The following VARS2 variants were observed in gnomAD, a reference collection of about 807,000 sequenced individuals.
The protein encoded by VARS2 is valyl-tRNA synthetase 2, mitochondrial.
In VARS2, 105 loss-of-function variants were observed where a neutral mutation model predicts 154.1. The observed-to-expected ratio is 0.68, with a 90% CI of 0.58 to 0.80. The LOEUF is 0.80. Among genes scored for constraint, VARS2 ranks in the 30% least tolerant of loss-of-function variants. VARS2 has a pLI of 0.00. For missense variants in VARS2, 1,157 were observed against 1,361.4 expected (o/e 0.85, Z 2.36); for synonymous variants, 483 against 539.5 (o/e 0.90, Z 1.45).
At position 30,923,373 on chromosome 6, in the gene VARS2, G is replaced by A; in HGVS notation, c.2334G>A (p.Met778Ile). The change falls in exon 25 of 30, where the codon ATG becomes ATA. Residue 778 changes from methionine (M) to isoleucine (I), a missense_variant. Transcript: ENST00000676266. ...TGCAGCTGTCTCCCTCCTCCCCGAT[G>A]GATGCCTGGATCCTGAGCCGCCTTG... ...PAEELSPSSP[M>I]DAWILSRLAL... The A allele has an allele frequency of 1.2e-6, 2 of 1,611,222 alleles. No individual in the cohort carries two copies. The highest frequency in any genetic ancestry group is 1.7e-6 in the Non-Finnish European group (2 of 1,179,098).
chr6:30,924,504 G>C lies in VARS2; in HGVS notation c.2617G>C (p.Gly873Arg), dbSNP rs749538158. Residue 873 changes from glycine (G) to arginine (R), a missense_variant, in exon 26 of 30, where the codon GGT becomes CGT. Physicochemically the swap from Gly to Arg is moderately radical, Grantham distance 125. Coordinates refer to ENST00000676266, the MANE Select transcript of VARS2 (RefSeq NM_020442.6). Reference sequence around the variant, plus strand: ...CTGGCAGAGGCTGCCCCCCAGGCCTGGTTGCCCCCCTGCCCCCAGCATCTC... The same window carrying C: ...CTGGCAGAGGCTGCCCCCCAGGCCTCGTTGCCCCCCTGCCCCCAGCATCTC... ...ELWQRLPPRPGCPPAPSISVA... is the reference protein window; with the variant it reads ...ELWQRLPPRPRCPPAPSISVA... 10 of 1,599,902 alleles carry C rather than the reference G, an allele frequency of 6.3e-6. No homozygotes were observed. The highest frequency in any genetic ancestry group is 8.5e-6 in the Non-Finnish European group (10 of 1,170,908).
At position 30,917,771 on chromosome 6, in the gene VARS2, T is replaced by G; in HGVS notation, c.950T>G (p.Leu317Arg). 1 of 1,563,170 alleles carries G rather than the reference T, an allele frequency of 6.4e-7. No homozygotes were observed. The highest frequency in any genetic ancestry group is 8.7e-7 in the Non-Finnish European group (1 of 1,153,190). ...GCPTPVSFGL[L>R]FSVAFPVDGE... ...CCCACCCCCGTGTCTTTTGGCCTCC[T>G]ATTTTCTGTTGCCTTCCCCGTGGAT... Residue 317 changes from leucine to arginine, a missense_variant, in exon 10 of 30, where the codon CTA (leucine) becomes CGA (arginine). Physicochemically the swap from Leu to Arg is moderately radical, Grantham distance 102. Coordinates refer to ENST00000676266, the MANE Select transcript of VARS2 (RefSeq NM_020442.6). The surrounding 1 kb of genome is among the most constrained non-coding windows in gnomAD (Gnocchi z 4.4).
In VARS2 at chr6:30,924,634, G is replaced by C. The variant is rs1794732030; in HGVS notation, c.2673+74G>C. On this transcript the variant is annotated intron_variant, in intron 26 of 29. Coordinates refer to ENST00000676266, the MANE Select transcript of VARS2 (RefSeq NM_020442.6). The stretch of plus-strand genomic sequence containing the variant: ...CACCTTCTGAAGGGGTTTGCTGCAG[G>C]GGGCTCATCTGCAGGAATGGTTCGT... The C allele has an allele frequency of 3.6e-5, 28 of 772,124 alleles. No homozygotes were observed. In the South Asian group the frequency reaches 5.0e-4, roughly 14 times the overall value. The allele number at this position is 772,124 out of a possible 1,614,324, so 47.8% of individuals were successfully genotyped here. A position where few individuals can be genotyped will look rare whatever the true frequency, so the allele number is the denominator to read the frequency against.
chr6:30,925,468 C>G, intron 27 of VARS2, 76 bp from the exon 28 acceptor site: 1 of 1,563,052 alleles, frequency 6.4e-7, no homozygotes, highest in East Asian at 2.3e-5. Flanking sequence ...AAGGGCCAAC[C>G]CCCCCGTTAG....
chr6:30,922,815 C>T (rs1211817545), intron 22 of VARS2, 41 bp downstream of exon 22: 1 of 1,589,092 alleles, frequency 6.3e-7, no homozygotes, highest in East Asian at 2.2e-5. Flanking sequence ...TCTAGCTCAC[C>T]ACCTCTGGCT....
intron 19 of VARS2, 33 bp from the exon 20 acceptor site, chr6:30,922,083 G>A (rs1794550151): frequency 1.2e-6 from 2 of 1,612,578 alleles, no homozygotes; most frequent in East Asian, 2.2e-5. Context: ...GGGGCCTGGG[G>A]CCTGGGCCTC....
chr6:30,922,817 C>A, intron 22 of VARS2, 43 bp downstream of exon 22: 2 of 1,584,780 alleles, frequency 1.3e-6, no homozygotes, highest in Non-Finnish European at 1.7e-6. Flanking sequence ...TAGCTCACCA[C>A]CTCTGGCTTC....
In VARS2 at chr6:30,916,351, A is replaced by T; in HGVS notation, c.671+102A>T. On this transcript the variant is annotated intron_variant, in intron 7 of 29. Transcript: ENST00000676266. This position sits in a 1 kb window ranked among gnomAD's most constrained non-coding sequence, Gnocchi z 4.0. ...CTTGTAATCCTTGGCTCTTCCCGAC[A>T]CAGCTCTGACTTCCTCAGAGATGGA... 1 of 993,634 alleles carries T rather than the reference A, an allele frequency of 1.0e-6. No homozygotes were observed. The highest frequency in any genetic ancestry group is 1.5e-6 in the Non-Finnish European group (1 of 681,770). The allele number at this position is 993,634 out of a possible 1,614,324, so 61.6% of individuals were successfully genotyped here.
rs575187757 is a variant in VARS2, at chr6:30,915,734, T to A, written c.385-12T>A. 1.2e-6 allele frequency: 2 copies of A among 1,612,692 alleles called. No individual in the cohort carries two copies. The highest frequency in any genetic ancestry group is 2.7e-5 in the African/African-American group (2 of 75,034). On this transcript the variant is annotated splice_polypyrimidine_tract_variant and intron_variant, in intron 4 of 29. Coordinates refer to ENST00000676266, the MANE Select transcript of VARS2 (RefSeq NM_020442.6). The stretch of plus-strand genomic sequence containing the variant: ...TTCTCTCTTGCCCCTTTGACTTTTT[T>A]TCTTCCTCTAGGCCCGGCTGCCCCA...
intron 21 of VARS2, 28 bp from the exon 22 acceptor site, chr6:30,922,678 G>T: frequency 6.2e-7 from 1 of 1,607,078 alleles, no homozygotes. Flanking sequence ...TTCGACCTGG[G>T]TCGTGAATTG....
chr6:30,914,701 A>C, intron 1 of VARS2, 109 bp from the exon 2 acceptor site: 1 of 1,200,526 alleles, frequency 8.3e-7, no homozygotes, highest in South Asian at 1.5e-5. Context: ...AAGGGAATAG[A>C]GACTTGGAAT....
At position 30,916,376 on chromosome 6, in the gene VARS2, A is replaced by AAGCCTGTTAAC; in HGVS notation, c.671+130_671+131insCTGTTAACAGC. ...ACAGCTCTGACTTCCTCAGAGATGG[A>AAGCCTGTTAAC]AGCTCTGGAGCCTGTTAACATTTGG... On this transcript the variant is annotated intron_variant, in intron 7 of 29. Transcript: ENST00000676266. This position sits in a 1 kb window ranked among gnomAD's most constrained non-coding sequence, Gnocchi z 4.0. 1.3e-6 allele frequency: 1 copy of AAGCCTGTTAAC among 774,016 alleles called. No individual in the cohort carries two copies. The highest frequency in any genetic ancestry group is 3.0e-5 in the Admixed American group (1 of 33,246). The allele number at this position is 774,016 out of a possible 1,614,324, so 47.9% of individuals were successfully genotyped here.
chr6:30,923,019 G>T, intron 23 of VARS2, 43 bp downstream of exon 23: 2 of 1,604,058 alleles, frequency 1.2e-6, no homozygotes, highest in Non-Finnish European at 1.7e-6. Context: ...GAGGGCAGCG[G>T]GCACCTGTGC....
Position 30,922,011 on chromosome 6 carries a change from A to C in VARS2, c.1806+16A>C. ...GCCCCAAGAGGTGAGGTGGGTTGAG[A>C]GGGCGAAAGTGAAGGGGAAACGATA... is the stretch of plus-strand genomic sequence containing the variant. On this transcript the variant is annotated intron_variant, in intron 19 of 29. Coordinates refer to ENST00000676266, the MANE Select transcript of VARS2 (RefSeq NM_020442.6). The C allele has an allele frequency of 2.5e-6, 4 of 1,612,588 alleles. No individual in the cohort carries two copies. Among genetic ancestry groups the C allele is most frequent in the Non-Finnish European group, 3.4e-6 (4 of 1,179,882 alleles).
intron 4 of VARS2, 62 bp from the exon 5 acceptor site, chr6:30,915,684 A>G (rs923533286): frequency 6.9e-6 from 11 of 1,602,506 alleles, no homozygotes; most frequent in Non-Finnish European, 9.4e-6. Flanking sequence ...TGGAGACAGT[A>G]GAGGGTGCTC....
In VARS2 at chr6:30,917,428, C is replaced by T. The variant is rs902322955; in HGVS notation, c.873+204C>T. 3.9e-5 allele frequency among the ~76,000 whole-genome samples: 6 copies of T among 152,198 alleles called. No homozygotes were observed. Among genetic ancestry groups the T allele is most frequent in the Non-Finnish European group, 7.3e-5 (5 of 68,040 alleles). On this transcript the variant is annotated intron_variant, in intron 9 of 29. Transcript: ENST00000676266. This position sits in a 1 kb window ranked among gnomAD's most constrained non-coding sequence, Gnocchi z 4.4. ...ATTAGAGATGATGGAATGCTTGCAT[C>T]GTGGGGGTGTTGTAAAAATTAAATG...
In VARS2 at chr6:30,922,730, G is replaced by A. The variant is rs576986819; in HGVS notation, c.2062G>A (p.Gly688Arg). ...MQVLQEKLRSGNLDPAELAIV... is the reference protein window; with the variant it reads ...MQVLQEKLRSRNLDPAELAIV... ...GGTGCTGCAGGAAAAGCTGAGAAGC[G>A]GAAATTTGGACCCTGCAGAGCTGGC... Residue 688 changes from glycine to arginine, a missense_variant, in exon 22 of 30, where the codon GGA (glycine) becomes AGA (arginine). Transcript: ENST00000676266. 2.2e-5 allele frequency: 35 copies of A among 1,612,762 alleles called. No individual in the cohort carries two copies. In the East Asian group the frequency reaches 4.9e-4, roughly 23 times the overall value.
At position 30,920,636 on chromosome 6, in the gene VARS2, A is replaced by G. The variant is rs777184735; in HGVS notation, c.1398-32A>G. On this transcript the variant is annotated intron_variant, in intron 14 of 29. Transcript: ENST00000676266. This position sits in a 1 kb window ranked among gnomAD's most constrained non-coding sequence, Gnocchi z 4.6. ...CCCTGGGAGAAGTCACAGGGCCGGA[A>G]GAGCAGTGGACTCACCCTGTCTCTC... 2.7e-6 allele frequency: 4 copies of G among 1,509,284 alleles called. No homozygotes were observed. In the African/African-American group the frequency reaches 5.5e-5, roughly 21 times the overall value. 93.5% of individuals were successfully genotyped at this position (1,509,284 alleles called of 1,614,324 possible). A position where few individuals can be genotyped will look rare whatever the true frequency, so the allele number is the denominator to read the frequency against.
chr6:30,924,473 A>C lies in VARS2; in HGVS notation c.2586A>C (p.Glu862Asp). The change falls in exon 26 of 30, where the codon GAA (glutamate) becomes GAC (aspartate). Residue 862 changes from glutamate (E) to aspartate (D), a missense_variant. Physicochemically the swap from Glu to Asp is conservative, Grantham distance 45. Coordinates refer to ENST00000676266, the MANE Select transcript of VARS2 (RefSeq NM_020442.6). The stretch of plus-strand genomic sequence containing the variant: ...CCCCACTGATGCCCTTCCTGGCTGA[A>C]GAGCTCTGGCAGAGGCTGCCCCCCA... ...LLAPLMPFLAEELWQRLPPRP... is the reference protein window; with the variant it reads ...LLAPLMPFLADELWQRLPPRP... 1 of 1,611,830 alleles carries C rather than the reference A, an allele frequency of 6.2e-7. No individual in the cohort carries two copies. The highest frequency in any genetic ancestry group is 8.5e-7 in the Non-Finnish European group (1 of 1,179,328).
Sources: allele counts gnomAD v4.1 joint callset (sites outside exome capture counted in the v4.1 genomes callset), GRCh38; gene constraint gnomAD v4.1.1; non-coding constraint Gnocchi (gnomAD v3.1); transcripts MANE v1.5; gene names NCBI Gene and HGNC (gene_info 2026-07-23, HGNC 2026-07-21).